The following B3GALT1 variants were observed in gnomAD, a reference collection of about 807,000 sequenced individuals.
B3GALT1 encodes beta-1,3-galactosyltransferase 1.
In B3GALT1, 10 loss-of-function variants were observed where a neutral mutation model predicts 23.2. That is an observed-to-expected ratio of 0.43 (90% CI 0.27 to 0.73). The LOEUF is 0.73. Among genes scored for constraint, B3GALT1 ranks in the 30% least tolerant of loss-of-function variants. B3GALT1 has a pLI of 0.21. For missense variants in B3GALT1, 299 were observed against 405.4 expected (o/e 0.74, Z 2.25); for synonymous variants, 156 against 141.5 (o/e 1.10, Z -0.73).
intron 3 of B3GALT1, among the ~76,000 whole-genome samples, chr2:167,749,994 A>T (rs776884971): frequency 2.0e-5 from 3 of 152,192 alleles, no homozygotes. Context: ...AAAATAAGAA[A>T]ATTTGGCATG....
At chr2:167,371,201 T>C (rs557990174) in intron 1 of B3GALT1, among the ~76,000 whole-genome samples, 2 of 152,106 alleles carry the variant, frequency 1.3e-5, no homozygotes, top group East Asian at 3.9e-4. Context: ...TTTTTTTTTT[T>C]ATCACTGCTA....
chr2:167,701,867 G>A (rs370463061), intron 3 of B3GALT1, among the ~76,000 whole-genome samples: 51 of 152,140 alleles, frequency 3.4e-4, no homozygotes, highest in African/African-American at 1.2e-3. Flanking sequence ...CAAGTCCTTT[G>A]TGAGCTCTTT....
At chr2:167,403,577 T>C (rs1033189754) in intron 1 of B3GALT1, among the ~76,000 whole-genome samples, 2 of 152,000 alleles carry the variant, frequency 1.3e-5, no homozygotes, top group African/African-American at 4.8e-5. Flanking sequence ...CAAAGAGTTA[T>C]CTGGTCAATA....
chr2:167,473,656 T>C (rs1699449225), intron 1 of B3GALT1, among the ~76,000 whole-genome samples: 1 of 152,128 alleles, frequency 6.6e-6, no homozygotes, highest in Non-Finnish European at 1.5e-5. Flanking sequence ...TGCCTTTGGC[T>C]GATCAGTTTT....
chr2:167,624,597 G>A (rs1685310162), intron 2 of B3GALT1, among the ~76,000 whole-genome samples: 1 of 152,000 alleles, frequency 6.6e-6, no homozygotes, highest in Non-Finnish European at 1.5e-5. Flanking sequence ...GTTAACAAGA[G>A]CTAGAATTTT....
rs151301289 is a variant in B3GALT1, at chr2:167,438,965, A to G, written c.-510-51212A>G. Among the ~76,000 whole-genome samples, 1,214 of 152,344 alleles carry G rather than the reference A, an allele frequency of 8.0e-3. 17 individuals carry two copies. The highest frequency in any genetic ancestry group is 0.028 in the African/African-American group (1,156 of 41,580). On this transcript the variant is annotated intron_variant, in intron 1 of 4. Coordinates refer to ENST00000392690, the MANE Select transcript of B3GALT1 (RefSeq NM_020981.4). ...GCATAGAAAGATATTGTATTATCTA[A>G]AAGTGAGCAAATGAGAGATGGGCTC...
intron 1 of B3GALT1, among the ~76,000 whole-genome samples, chr2:167,481,020 A>G (rs1453348872): frequency 6.6e-6 from 1 of 152,168 alleles, no homozygotes; most frequent in Non-Finnish European, 1.5e-5. Context: ...CTTGATATTT[A>G]AATCCAAGCT....
intron 3 of B3GALT1, among the ~76,000 whole-genome samples, chr2:167,668,352 A>T (rs939691023): frequency 3.9e-5 from 6 of 152,130 alleles, no homozygotes; most frequent in Non-Finnish European, 5.9e-5. Flanking sequence ...TGCTCTCTTC[A>T]AAGCTGTCAG....
intron 1 of B3GALT1, among the ~76,000 whole-genome samples, chr2:167,479,984 A>G (rs952947530): frequency 6.6e-6 from 1 of 152,040 alleles, no homozygotes. Context: ...GGCTGGGGCC[A>G]CAGGATGATT....
chr2:167,646,044 C>G (rs1176610213), intron 2 of B3GALT1, among the ~76,000 whole-genome samples: 2 of 152,110 alleles, frequency 1.3e-5, no homozygotes, highest in Non-Finnish European at 2.9e-5. Context: ...TTTTCTATAC[C>G]TTTTCTGAAA....
At chr2:167,637,026 T>C (rs1002806031) in intron 2 of B3GALT1, among the ~76,000 whole-genome samples, 4 of 151,916 alleles carry the variant, frequency 2.6e-5, no homozygotes, top group African/African-American at 9.7e-5. Context: ...CTCAGTAGTA[T>C]GCCCTTATGG....
intron 2 of B3GALT1, among the ~76,000 whole-genome samples, chr2:167,592,497 T>C (rs1421130322): frequency 2.0e-5 from 3 of 152,182 alleles, no homozygotes; most frequent in Non-Finnish European, 4.4e-5. Flanking sequence ...CCATCTTGTT[T>C]GAGAGAGAGT....
At chr2:167,806,328 C>G (rs1018782959) in intron 3 of B3GALT1, among the ~76,000 whole-genome samples, 1 of 152,182 alleles carries the variant, frequency 6.6e-6, no homozygotes, top group Non-Finnish European at 1.5e-5. Context: ...ATTTCCTTCT[C>G]CTGTCTGATT....
chr2:167,834,246 T>G (rs763521400), intron 4 of B3GALT1, among the ~76,000 whole-genome samples: 1 of 152,186 alleles, frequency 6.6e-6, no homozygotes, highest in Non-Finnish European at 1.5e-5. Context: ...TGTAACAGTC[T>G]TCTGTATAAA....
chr2:167,370,774 A>G (rs888688641), intron 1 of B3GALT1, among the ~76,000 whole-genome samples: 1 of 152,128 alleles, frequency 6.6e-6, no homozygotes, highest in African/African-American at 2.4e-5. Flanking sequence ...AAAATACAAA[A>G]AATTAGCCGG....
At chr2:167,331,096 T>G (rs1608518) in intron 1 of B3GALT1, among the ~76,000 whole-genome samples, 120,489 of 151,426 alleles carry the variant, frequency 0.8, 49,642 homozygotes, top group Non-Finnish European at 0.9. Flanking sequence ...TGATTTTTTT[T>G]GGGGGGGTAT....
In B3GALT1 at chr2:167,691,164, TA is replaced by T. The variant is rs535170062; in HGVS notation, c.-352+44200del. Among the ~76,000 whole-genome samples the T allele has an allele frequency of 2.8e-3, 426 of 152,246 alleles. 4 individuals are homozygous for T. Among genetic ancestry groups the T allele is most frequent in the African/African-American group, 9.9e-3 (410 of 41,578 alleles). On this transcript the variant is annotated intron_variant, in intron 3 of 4. Coordinates refer to ENST00000392690, the MANE Select transcript of B3GALT1 (RefSeq NM_020981.4). The stretch of plus-strand genomic sequence containing the variant: ...AACTTTTCAAAAACTAAAATCCTTA[TA>T]AGTAGGTCTAGATCACTTTCCTGTT...
rs151260532 is a variant in B3GALT1 at position 167,675,069 on chromosome 2, G to A, written c.-352+28103G>A. On this transcript the variant is annotated intron_variant, in intron 3 of 4. Transcript: ENST00000392690. Reference sequence around the variant, plus strand: ...GGACTGTGGTCTGGACTTCCCAGATGAGCCCCTGTGCACCTTGGTGGCTGA... The same window carrying A: ...GGACTGTGGTCTGGACTTCCCAGATAAGCCCCTGTGCACCTTGGTGGCTGA... 6.6e-3 allele frequency among the ~76,000 whole-genome samples: 999 copies of A among 152,290 alleles called. 10 individuals are homozygous for A. The highest frequency in any genetic ancestry group is 0.023 in the African/African-American group (947 of 41,548).
At chr2:167,834,632 T>C (rs1689420273) in intron 4 of B3GALT1, among the ~76,000 whole-genome samples, 1 of 152,200 alleles carries the variant, frequency 6.6e-6, no homozygotes, top group African/African-American at 2.4e-5. Flanking sequence ...GTGGATCACC[T>C]GAGGTCAGGA....
Sources: gnomAD v4.1 joint callset for allele counts (sites outside exome capture counted in the v4.1 genomes callset) on GRCh38, gnomAD v4.1.1 for gene constraint, MANE v1.5 for transcripts, NCBI Gene and HGNC (gene_info 2026-07-23, HGNC 2026-07-21) for gene names.